The following ELL2 variants were observed in gnomAD, a reference collection of about 807,000 sequenced individuals.
ELL2 encodes the protein RNA polymerase II elongation factor ELL2.
ELL2 carries 21 observed loss-of-function variants against 72.8 expected under a neutral mutation model. The observed-to-expected ratio is 0.29, with a 90% CI of 0.20 to 0.42. The LOEUF is 0.42. ELL2 is among the 10% of genes least tolerant of loss of function. The pLI is 1.00. For missense variants in ELL2, 568 were observed against 772.8 expected, an observed-to-expected ratio of 0.73 and a Z score of 3.14; for synonymous variants, 266 against 283.2, an observed-to-expected ratio of 0.94 and a Z score of 0.61.
intron 2 of ELL2, among the ~76,000 whole-genome samples, chr5:95,930,403 A>T (rs1472480035): frequency 2.6e-5 from 4 of 152,218 alleles, no homozygotes; most frequent in African/African-American, 9.6e-5. Flanking sequence ...CAAGGTTAAC[A>T]GAAGTCTCAA....
intron 3 of ELL2, among the ~76,000 whole-genome samples, chr5:95,916,848 A>AACT (rs1749828807): frequency 6.6e-6 from 1 of 151,868 alleles, no homozygotes; most frequent in Admixed American, 6.6e-5. Flanking sequence ...AATGACTGCA[A>AACT]TAGAGTGAAG....
At chr5:95,923,666 T>C (rs1208261094) in intron 2 of ELL2, among the ~76,000 whole-genome samples, 1 of 151,944 alleles carries the variant, frequency 6.6e-6, no homozygotes, top group African/African-American at 2.4e-5. Context: ...GATGGTATGG[T>C]CTGAGCTAAG....
intron 10 of ELL2, 83 bp from the exon 11 acceptor site, chr5:95,889,213 G>C (rs555419712): frequency 1.8e-6 from 2 of 1,087,896 alleles, no homozygotes; most frequent in Non-Finnish European, 1.4e-6. Context: ...CATTCAGCAA[G>C]AGTATAGGAA....
At chr5:95,961,499 C>A in intron 1 of ELL2, 76 bp downstream of exon 1, 1 of 1,366,402 alleles carries the variant, frequency 7.3e-7, no homozygotes, top group Admixed American at 3.8e-5. Flanking sequence ...TCCGCCGGCC[C>A]CGCACCCGGG....
intron 10 of ELL2, among the ~76,000 whole-genome samples, chr5:95,889,465 C>T (rs1472231443): frequency 6.6e-6 from 1 of 152,152 alleles, no homozygotes; most frequent in East Asian, 1.9e-4. Flanking sequence ...GCCATTAAAA[C>T]ATGCCAAAGT....
At chr5:95,896,222 T>C (rs1289409775) in intron 8 of ELL2, among the ~76,000 whole-genome samples, 2 of 152,334 alleles carry the variant, frequency 1.3e-5, no homozygotes, top group South Asian at 2.1e-4. Context: ...TAAAATAAGG[T>C]ATTATTGAAT....
chr5:95,922,958 G>A (rs538716334), intron 2 of ELL2, among the ~76,000 whole-genome samples: 1 of 152,236 alleles, frequency 6.6e-6, no homozygotes. Flanking sequence ...TTGGCATGTA[G>A]TGGGAGGCCA....
chr5:95,955,904 A>G (rs1442506123), intron 1 of ELL2, among the ~76,000 whole-genome samples: 5 of 151,980 alleles, frequency 3.3e-5, no homozygotes, highest in Admixed American at 6.6e-5. Flanking sequence ...GTTGCAGAGA[A>G]AAGGGTCATC....
chr5:95,933,564 GAAGAA>G (rs1300778954), intron 2 of ELL2, among the ~76,000 whole-genome samples: 1 of 152,036 alleles, frequency 6.6e-6, no homozygotes, highest in African/African-American at 2.4e-5. Flanking sequence ...GTGTGAGCAA[GAAGAA>G]AAGACTAGAA....
At chr5:95,941,281 T>C (rs1396596065) in intron 2 of ELL2, among the ~76,000 whole-genome samples, 5 of 152,004 alleles carry the variant, frequency 3.3e-5, no homozygotes, top group Non-Finnish European at 5.9e-5. Flanking sequence ...AGGAATAAAG[T>C]AGGAAGAGAA....
chr5:95,898,471 T>C lies in ELL2; in HGVS notation c.1294A>G (p.Arg432Gly). The change falls in exon 8 of 12, where the codon AGG becomes GGG. Residue 432 changes from arginine to glycine, a missense_variant. Physicochemically the swap from Arg to Gly is moderately radical, Grantham distance 125. Coordinates refer to ENST00000237853, the MANE Select transcript of ELL2 (RefSeq NM_012081.6). ...GGGGGTAAGGTTTCCAGAGAAGTCC[T>C]AGAGGTATATTTGTCTTGCTGGTCC... ...YEDQQDKYTS[R>G]TSLETLPPGS... The C allele has an allele frequency of 1.2e-6, 2 of 1,613,998 alleles. No homozygotes were observed. Among genetic ancestry groups the C allele is most frequent in the Admixed American group, 1.7e-5 (1 of 60,014 alleles).
rs924315852 is a variant in ELL2, at chr5:95,886,076, C to T, written c.*2795G>A. On this transcript the variant is annotated 3_prime_UTR_variant, in exon 12 of 12. Coordinates refer to ENST00000237853, the MANE Select transcript of ELL2 (RefSeq NM_012081.6). Reference sequence around the variant, plus strand: ...AAATGTGATAGAAAAAACTATACAACTCATTCTCTAATCTTGCTATTTTTC... The same window carrying T: ...AAATGTGATAGAAAAAACTATACAATTCATTCTCTAATCTTGCTATTTTTC... 5.3e-5 allele frequency: 8 copies of T among 152,074 alleles called. No individual in the cohort carries two copies. The highest frequency in any genetic ancestry group is 1.9e-4 in the African/African-American group (8 of 41,410). The allele number at this position is 152,074 out of a possible 1,614,324, so 9.4% of individuals were successfully genotyped here.
At position 95,895,728 on chromosome 5, in the gene ELL2, A is replaced by G. The variant is rs367766001; in HGVS notation, c.1526-37T>C. On this transcript the variant is annotated intron_variant, in intron 8 of 11. Coordinates refer to ENST00000237853, the MANE Select transcript of ELL2 (RefSeq NM_012081.6). ...AAAAACAAAATCAGAGCATTCATCA[A>G]CTACGAAGGTTATCAAATGCCTGTA... 1.4e-4 allele frequency: 212 copies of G among 1,517,612 alleles called. 1 individual carries two copies. Among genetic ancestry groups the G allele is most frequent in the Admixed American group, 6.6e-4 (39 of 59,014 alleles). The allele number at this position is 1,517,612 out of a possible 1,614,324, so 94.0% of individuals were successfully genotyped here. A position where few individuals can be genotyped will look rare whatever the true frequency, so the allele number is the denominator to read the frequency against.
In ELL2 at chr5:95,889,149, G is replaced by C. The variant is rs200787935; in HGVS notation, c.1762-19C>G. On this transcript the variant is annotated intron_variant, in intron 10 of 11. Coordinates refer to ENST00000237853, the MANE Select transcript of ELL2 (RefSeq NM_012081.6). ...GAACATTCTACAAAATTAAATATTA[G>C]AAATCAGAAGAGAACAACTTCTTTT... 1 of 1,577,860 alleles carries C rather than the reference G, an allele frequency of 6.3e-7. No homozygotes were observed. Among genetic ancestry groups the C allele is most frequent in the East Asian group, 2.2e-5 (1 of 44,624 alleles).
In ELL2 at chr5:95,960,241, C is replaced by T. The variant is rs572870105; in HGVS notation, c.147+1334G>A. Among the ~76,000 whole-genome samples the T allele has an allele frequency of 6.6e-4, 100 of 151,830 alleles. 2 individuals are homozygous for T. The South Asian group carries it at 0.02, about 31-fold the overall frequency. On this transcript the variant is annotated intron_variant, in intron 1 of 11. Transcript: ENST00000237853. ...CGAACGGGCTATTTGTAAGATGCCCCGTGGGTTCTATCTCCCTTCCGACTC... is the reference window on the plus strand; with the variant it reads ...CGAACGGGCTATTTGTAAGATGCCCTGTGGGTTCTATCTCCCTTCCGACTC...
chr5:95,935,585 T>C (rs1267951959), intron 2 of ELL2, among the ~76,000 whole-genome samples: 3 of 152,228 alleles, frequency 2.0e-5, no homozygotes, highest in Non-Finnish European at 4.4e-5. Context: ...CCTTTGGAGT[T>C]GCTTTTTGAA....
Position 95,927,502 on chromosome 5 carries a change from CACACACGTGTGTATATAGACAT to C in ELL2, c.196-7979_196-7958del, listed in dbSNP as rs1208322976. Among the ~76,000 whole-genome samples, 11 of 32,174 alleles carry C rather than the reference CACACACGTGTGTATATAGACAT, an allele frequency of 3.4e-4. 1 individual carries two copies. The highest frequency in any genetic ancestry group is 6.3e-4 in the African/African-American group (2 of 3,188). 21.1% of individuals were successfully genotyped at this position (32,174 alleles called of 152,430 possible). A position where few individuals can be genotyped will look rare whatever the true frequency, so the allele number is the denominator to read the frequency against. On this transcript the variant is annotated intron_variant, in intron 2 of 11. Transcript: ENST00000237853. ...ACACACACGTGTGTATATAGACATA[CACACACGTGTGTATATAGACAT>C]ACACACACGTGTGTATATAGACATA...
rs111698363 is a variant in ELL2 at position 95,903,729 on chromosome 5, T to C, written c.742-2649A>G. ...TATAACTCTAGCCCCAACTATCCTC[T>C]GACAACCACACCCTTACATATAACT... On this transcript the variant is annotated intron_variant, in intron 5 of 11. Transcript: ENST00000237853. Among the ~76,000 whole-genome samples the C allele has an allele frequency of 4.2e-3, 639 of 152,324 alleles. 6 individuals are homozygous for C. Among genetic ancestry groups the C allele is most frequent in the African/African-American group, 0.015 (615 of 41,560 alleles).
Position 95,888,556 on chromosome 5 carries a change from A to G in ELL2, c.*315T>C, listed in dbSNP as rs1748541039. ...CTGGATCCCCAATATCTAAAAAATC[A>G]TTTCTAATAACAAACACAAGTTTTT... is the stretch of plus-strand genomic sequence containing the variant. On this transcript the variant is annotated 3_prime_UTR_variant, in exon 12 of 12. Transcript: ENST00000237853. The G allele has an allele frequency of 5.4e-6, 1 of 184,572 alleles. No homozygotes were observed. Among genetic ancestry groups the G allele is most frequent in the Non-Finnish European group, 1.1e-5 (1 of 90,510 alleles). The allele number at this position is 184,572 out of a possible 1,614,324, so 11.4% of individuals were successfully genotyped here.
Sources: gnomAD v4.1 joint callset for allele counts (sites outside exome capture counted in the v4.1 genomes callset) on GRCh38, gnomAD v4.1.1 for gene constraint, MANE v1.5 for transcripts, NCBI Gene and HGNC (gene_info 2026-07-23, HGNC 2026-07-21) for gene names.